Variants in MLLT10 observed in about 807,000 individuals in gnomAD.
MLLT10 encodes protein AF-10.
In MLLT10, 30 loss-of-function variants were observed where a neutral mutation model predicts 129.1. The ratio of observed to expected loss-of-function variants is 0.23; its 90% CI spans 0.17 to 0.32. The LOEUF (loss-of-function observed/expected upper bound fraction) is 0.32. Ranked by LOEUF, MLLT10 falls within the 10% of genes least tolerant of loss-of-function variation. The probability of loss-of-function intolerance (pLI) is 1.00; values close to 1 mark genes in which losing one functional copy is unlikely to be tolerated. For missense variants in MLLT10, 1,119 were observed against 1,268.3 expected (o/e 0.88, Z 1.79); for synonymous variants, 490 against 446.4 (o/e 1.10, Z -1.23).
intron 4 of MLLT10, among the ~76,000 whole-genome samples, chr10:21,587,094 A>G (rs1463578963): frequency 6.6e-6 from 1 of 151,552 alleles, no homozygotes; most frequent in African/African-American, 2.4e-5. Context: ...TTGTTGCTTG[A>G]ATATAAAGAA....
intron 3 of MLLT10, among the ~76,000 whole-genome samples, chr10:21,579,791 G>A (rs919136533): frequency 3.3e-5 from 5 of 151,792 alleles, no homozygotes; most frequent in Non-Finnish European, 7.4e-5. Flanking sequence ...TCGAACTCCT[G>A]AGCTCAGGTG....
intron 14 of MLLT10, among the ~76,000 whole-genome samples, chr10:21,717,701 TTCCTCCTCCTCCTCTTCC>T (rs2056780556): frequency 1.3e-4 from 3 of 23,394 alleles, no homozygotes; most frequent in Non-Finnish European, 2.4e-4. Context: ...CCTCCTCCTC[TTCCTCCTCCTCCTCTTCC>T]TCCTCCTCCT....
chr10:21,649,376 C>G (rs2048807434), intron 8 of MLLT10, among the ~76,000 whole-genome samples: 1 of 152,178 alleles, frequency 6.6e-6, no homozygotes, highest in Admixed American at 6.6e-5. Flanking sequence ...TGTGCCTGGC[C>G]TGTATTGTTA....
intron 11 of MLLT10, among the ~76,000 whole-genome samples, chr10:21,677,830 T>G (rs1477521817): frequency 6.6e-6 from 1 of 152,226 alleles, no homozygotes; most frequent in Admixed American, 6.5e-5. Context: ...ATGACCTTTG[T>G]AAGCACCTGT....
chr10:21,623,579 G>A (rs892161125), intron 8 of MLLT10, among the ~76,000 whole-genome samples: 2 of 152,274 alleles, frequency 1.3e-5, no homozygotes, highest in Admixed American at 1.3e-4. Flanking sequence ...TGTCACAACT[G>A]TAAAATAGAG....
chr10:21,672,899 A>G (rs2051619783), intron 10 of MLLT10, among the ~76,000 whole-genome samples: 1 of 152,172 alleles, frequency 6.6e-6, no homozygotes, highest in African/African-American at 2.4e-5. Context: ...CATACCTTCA[A>G]TATTCAAAAA....
At chr10:21,706,792 A>C (rs985762496) in intron 13 of MLLT10, among the ~76,000 whole-genome samples, 1 of 152,062 alleles carries the variant, frequency 6.6e-6, no homozygotes, top group Non-Finnish European at 1.5e-5. Context: ...AGTCTAAACA[A>C]TGTTCTTCTG....
chr10:21,616,106 A>T (rs1051753313), intron 7 of MLLT10, among the ~76,000 whole-genome samples: 5 of 152,100 alleles, frequency 3.3e-5, no homozygotes, highest in African/African-American at 1.2e-4. Context: ...ATTACTTAAG[A>T]GTGTGTATCT....
chr10:21,648,964 G>C (rs2131315414), intron 8 of MLLT10, among the ~76,000 whole-genome samples: 1 of 152,266 alleles, frequency 6.6e-6, no homozygotes, highest in Middle Eastern at 3.4e-3. Flanking sequence ...CCTCCTACCA[G>C]GTCCCTCCCA....
Position 21,733,825 on chromosome 10 carries a change from C to A in MLLT10, c.2554C>A (p.Pro852Thr). 3 of 1,614,186 alleles carry A rather than the reference C, an allele frequency of 1.9e-6. No individual in the cohort carries two copies. Among genetic ancestry groups the A allele is most frequent in the Non-Finnish European group, 2.5e-6 (3 of 1,180,032 alleles). ...SSSSALSTPP[P>T]AGQSPAQQGS... ...CTCATCAGCTCTTTCTACCCCACCTCCTGCTGGGCAGAGTCCGGCTCAACA... is the reference window on the plus strand; with the variant it reads ...CTCATCAGCTCTTTCTACCCCACCTACTGCTGGGCAGAGTCCGGCTCAACA... The change falls in exon 20 of 23, where the codon CCT (proline) becomes ACT (threonine). Residue 852 changes from proline to threonine, a missense_variant. Around this residue, in one of 5 missense-constraint regions of MLLT10, gnomAD observed 1,004 missense variants for 1,008.7 expected, o/e 1.00. Coordinates refer to ENST00000307729, the MANE Select transcript of MLLT10 (RefSeq NM_001195626.3).
intron 13 of MLLT10, chr10:21,688,381 C>G (rs1162341316): frequency 7.0e-6 from 6 of 859,574 alleles, no homozygotes; most frequent in Non-Finnish European, 7.7e-6. Context: ...GATGATCCAC[C>G]CCCACACTGC....
At chr10:21,567,852 C>G (rs2039765407) in intron 3 of MLLT10, among the ~76,000 whole-genome samples, 1 of 148,128 alleles carries the variant, frequency 6.8e-6, no homozygotes, top group African/African-American at 2.5e-5. Flanking sequence ...CAGAGTCTCT[C>G]TCTGTCACCC....
At chr10:21,574,107 C>CT (rs1326894695) in intron 3 of MLLT10, among the ~76,000 whole-genome samples, 6 of 152,106 alleles carry the variant, frequency 3.9e-5, no homozygotes, top group African/African-American at 7.2e-5. Context: ...GTGAAAAAAT[C>CT]TGAGTCTAGA....
At chr10:21,670,897 T>G in intron 10 of MLLT10, 193 bp downstream of exon 10, 1 of 548,566 alleles carries the variant, frequency 1.8e-6, no homozygotes, top group Non-Finnish European at 3.0e-6. Flanking sequence ...ACTTTTTCTT[T>G]CCTTTTATAA....
intron 8 of MLLT10, among the ~76,000 whole-genome samples, chr10:21,621,159 A>ATT (rs1180864625): frequency 1.2e-4 from 10 of 81,904 alleles, no homozygotes; most frequent in African/African-American, 4.2e-4. Flanking sequence ...AATTTTTTGT[A>ATT]TTTTTTTTTT....
intron 13 of MLLT10, among the ~76,000 whole-genome samples, chr10:21,702,795 A>ACT (rs1431197534): frequency 6.6e-6 from 1 of 150,850 alleles, no homozygotes; most frequent in Non-Finnish European, 1.5e-5. Context: ...TCATACCTTT[A>ACT]CTTTCCATCT....
intron 3 of MLLT10, among the ~76,000 whole-genome samples, chr10:21,545,629 C>T (rs2035941003): frequency 6.6e-6 from 1 of 152,106 alleles, no homozygotes; most frequent in Non-Finnish European, 1.5e-5. Context: ...CACCGTGTCT[C>T]CCAAAACAAA....
intron 3 of MLLT10, among the ~76,000 whole-genome samples, chr10:21,551,262 G>A (rs2130949428): frequency 7.1e-6 from 1 of 141,500 alleles, no homozygotes; most frequent in South Asian, 2.4e-4. Flanking sequence ...AAGCCAGGCT[G>A]AGTGCCAAAA....
chr10:21,695,061 C>CTTTTTTTTTTTTT (rs71393922), intron 13 of MLLT10, among the ~76,000 whole-genome samples: 4 of 104,034 alleles, frequency 3.8e-5, no homozygotes, highest in Non-Finnish European at 5.7e-5. Flanking sequence ...TTTCTACCTT[C>CTTTTTTTTTTTTT]TTTTTTTTTT....
Sources: gnomAD v4.1 joint callset for allele counts (sites outside exome capture counted in the v4.1 genomes callset) on GRCh38, gnomAD v4.1.1 for gene constraint, gnomAD v4.1.1 regional missense constraint, MANE v1.5 for transcripts, NCBI Gene and HGNC (gene_info 2026-07-23, HGNC 2026-07-21) for gene names.